The following SHROOM2 variants were observed in gnomAD, a reference collection of about 807,000 sequenced individuals.
The protein encoded by SHROOM2 is shroom family member 2.
In SHROOM2, 33 loss-of-function variants were observed where a neutral mutation model predicts 75.9. The ratio of observed to expected loss-of-function variants is 0.43; its 90% CI spans 0.33 to 0.58. The LOEUF (loss-of-function observed/expected upper bound fraction) is 0.58. SHROOM2 is among the 20% of genes least tolerant of loss of function. The probability of loss-of-function intolerance (pLI) is 0.04; values close to 1 mark genes in which losing one functional copy is unlikely to be tolerated. For missense variants in SHROOM2, 1,434 were observed against 1,461.2 expected, an observed-to-expected ratio of 0.98 and a Z score of 0.30; for synonymous variants, 655 against 663.6, an observed-to-expected ratio of 0.99 and a Z score of 0.20.
chrX:9,895,744 C>T lies in SHROOM2; in HGVS notation c.1836C>T (p.Phe612=), dbSNP rs747102378. ...PEDSATRPPP[F]DAHVGKPTRR... ...ACAGCGCCACCAGACCGCCACCGTT[C>T]GACGCCCACGTGGGCAAGCCCACCC... The change falls in exon 4 of 10, where the codon TTC becomes TTT. Residue 612 remains phenylalanine (F), a synonymous_variant. Coordinates refer to ENST00000380913, the MANE Select transcript of SHROOM2 (RefSeq NM_001649.4). 1.0e-5 allele frequency: 12 copies of T among 1,198,111 alleles called. No individual in the cohort carries two copies. The highest frequency in any genetic ancestry group is 2.3e-4 in the Middle Eastern group (1 of 4,326).
chrX:9,855,384 T>C (rs996038917), intron 1 of SHROOM2, among the ~76,000 whole-genome samples: 2 of 105,400 alleles, frequency 1.9e-5, no homozygotes, highest in Non-Finnish European at 3.9e-5. Context: ...CTTTGCCCAT[T>C]GTGTTATGCA....
intron 1 of SHROOM2, among the ~76,000 whole-genome samples, chrX:9,824,872 G>A (rs1439766322): frequency 3.6e-5 from 4 of 111,566 alleles, no homozygotes; most frequent in Non-Finnish European, 7.5e-5. Flanking sequence ...GCAAGGGTAG[G>A]GAGAGAGGAA....
At chrX:9,843,192 A>G (rs1601940362) in intron 1 of SHROOM2, among the ~76,000 whole-genome samples, 2 of 105,703 alleles carry the variant, frequency 1.9e-5, no homozygotes, top group African/African-American at 3.4e-5. Flanking sequence ...GCTTCCCCCT[A>G]TTGTTTTTTT....
At chrX:9,811,587 A>G (rs1274046355) in intron 1 of SHROOM2, among the ~76,000 whole-genome samples, 1 of 112,249 alleles carries the variant, frequency 8.9e-6, no homozygotes, top group Admixed American at 9.5e-5. Context: ...CCCATGAATC[A>G]GTATATAATC....
At chrX:9,827,987 C>G (rs1356014494) in intron 1 of SHROOM2, among the ~76,000 whole-genome samples, 1 of 112,193 alleles carries the variant, frequency 8.9e-6, no homozygotes, top group African/African-American at 3.2e-5. Flanking sequence ...CAGTCCTGCC[C>G]TTTAAGGGCA....
intron 5 of SHROOM2, among the ~76,000 whole-genome samples, chrX:9,908,541 A>G (rs1297886107): frequency 1.8e-5 from 2 of 112,104 alleles, no homozygotes; most frequent in African/African-American, 3.2e-5. Flanking sequence ...TGAGCATCTT[A>G]TAAGCCCTGA....
intron 1 of SHROOM2, among the ~76,000 whole-genome samples, chrX:9,869,290 A>G (rs1056760036): frequency 8.9e-6 from 1 of 112,817 alleles, no homozygotes; most frequent in Non-Finnish European, 1.9e-5. Context: ...GGAATGCATA[A>G]CTTTTTATTA....
chrX:9,807,967 C>G (rs918546590), intron 1 of SHROOM2, among the ~76,000 whole-genome samples: 4 of 111,702 alleles, frequency 3.6e-5, no homozygotes, highest in African/African-American at 1.3e-4. Context: ...ATCCTGGGTG[C>G]CAGGCACACC....
At chrX:9,920,658 A>G (rs1447216424) in intron 5 of SHROOM2, among the ~76,000 whole-genome samples, 6 of 112,449 alleles carry the variant, frequency 5.3e-5, no homozygotes, top group African/African-American at 1.9e-4. Flanking sequence ...AATAACAAAA[A>G]AGTCAGCTAA....
At chrX:9,903,918 G>A (rs5979202) in intron 5 of SHROOM2, among the ~76,000 whole-genome samples, 55,935 of 109,515 alleles carry the variant, frequency 0.51, 12,901 homozygotes, top group African/African-American at 0.88. Context: ...AGAAACCCAG[G>A]ACCGAGACAG....
At chrX:9,855,981 TACTTTGAATGGGAGTCATTTTTTAAAG>T (rs1426875633) in intron 1 of SHROOM2, among the ~76,000 whole-genome samples, 1 of 110,355 alleles carries the variant, frequency 9.1e-6, no homozygotes, top group Non-Finnish European at 1.9e-5. Context: ...AAGAATTAAT[TACTTTGAATGGGAGTCATTTTTTAAAG>T]ACTTAAGAAT....
chrX:9,829,225 T>C (rs1348013712), intron 1 of SHROOM2, among the ~76,000 whole-genome samples: 1 of 111,415 alleles, frequency 9.0e-6, no homozygotes, highest in Admixed American at 9.6e-5. Flanking sequence ...GGTTTCACCA[T>C]GTTAGCCAGG....
chrX:9,905,429 C>T (rs937081930), intron 5 of SHROOM2, among the ~76,000 whole-genome samples: 1 of 113,073 alleles, frequency 8.8e-6, no homozygotes, highest in African/African-American at 3.2e-5. Flanking sequence ...GCTAGCAGCA[C>T]GTGTCAGGTC....
At chrX:9,810,877 T>A (rs946915023) in intron 1 of SHROOM2, among the ~76,000 whole-genome samples, 13 of 111,542 alleles carry the variant, frequency 1.2e-4, no homozygotes, top group African/African-American at 3.6e-4. Context: ...TTAATCCAGC[T>A]GCTTCAGGAT....
At chrX:9,863,269 C>T (rs904735893) in intron 1 of SHROOM2, among the ~76,000 whole-genome samples, 3 of 111,008 alleles carry the variant, frequency 2.7e-5, no homozygotes, top group Admixed American at 9.6e-5. Context: ...TCTCCACCAC[C>T]TCCAGATCTT....
chrX:9,792,058 ATAG>A (rs1569132951), intron 1 of SHROOM2, among the ~76,000 whole-genome samples: 1,298 of 20,982 alleles, frequency 0.062, 85 homozygotes, highest in African/African-American at 0.12. Context: ...ATAGAATAGA[ATAG>A]AATAGAATAG....
At chrX:9,842,408 G>T (rs900904120) in intron 1 of SHROOM2, among the ~76,000 whole-genome samples, 2 of 112,389 alleles carry the variant, frequency 1.8e-5, no homozygotes, top group Non-Finnish European at 3.8e-5. Context: ...CTGACAGATC[G>T]CTCTGAGACA....
At chrX:9,888,240 C>T (rs1003585970) in intron 2 of SHROOM2, among the ~76,000 whole-genome samples, 1 of 112,253 alleles carries the variant, frequency 8.9e-6, no homozygotes, top group African/African-American at 3.2e-5. Flanking sequence ...GGCTGGGTTC[C>T]TCAGTCTTTT....
At chrX:9,850,925 TC>T (rs2084036242) in intron 1 of SHROOM2, among the ~76,000 whole-genome samples, 1 of 111,352 alleles carries the variant, frequency 9.0e-6, no homozygotes, top group Admixed American at 9.5e-5. Context: ...ACCACAGCCT[TC>T]CGGAAGTCAG....
Sources: allele counts gnomAD v4.1 joint callset (sites outside exome capture counted in the v4.1 genomes callset), GRCh38; gene constraint gnomAD v4.1.1; transcripts MANE v1.5; gene names NCBI Gene and HGNC (gene_info 2026-07-23, HGNC 2026-07-21).